Variants in MORC2 observed in about 807,000 individuals in gnomAD.
The protein encoded by MORC2 is MORC family CW-type zinc finger 2.
MORC2 carries 30 observed loss-of-function variants against 136.0 expected under a neutral mutation model. The observed-to-expected ratio is 0.22, with a 90% CI of 0.17 to 0.30. The LOEUF is 0.30. Ranked by LOEUF, MORC2 falls within the 10% of genes least tolerant of loss-of-function variation. The pLI, the probability that MORC2 is intolerant of heterozygous loss-of-function variation, is 1.00. For synonymous variants in MORC2, 439 were observed against 487.0 expected (o/e 0.90, Z 1.30); for missense variants, 922 against 1,333.1 (o/e 0.69, Z 4.80).
chr22:30,940,524 G>C (rs2040727378), intron 10 of MORC2, among the ~76,000 whole-genome samples: 1 of 152,174 alleles, frequency 6.6e-6, no homozygotes, highest in African/African-American at 2.4e-5. Context: ...CCAAAGAGCT[G>C]ACACTTTTAG....
intron 1 of MORC2, among the ~76,000 whole-genome samples, chr22:30,962,571 G>A (rs1336477224): frequency 6.7e-6 from 1 of 149,840 alleles, no homozygotes; most frequent in Non-Finnish European, 1.5e-5. Context: ...CACCAACCTG[G>A]CTGAAAGAGC....
chr22:30,928,676 G>C (rs1370495779), intron 24 of MORC2, among the ~76,000 whole-genome samples: 1 of 152,172 alleles, frequency 6.6e-6, no homozygotes, highest in Non-Finnish European at 1.5e-5. Flanking sequence ...CTGTGGAGTA[G>C]TATATACTTC....
chr22:30,949,732 C>T lies in MORC2; in HGVS notation c.317+20G>A. On this transcript the variant is annotated intron_variant, in intron 5 of 25. Transcript: ENST00000397641. ...GCTGGATTTTGTTTGAGCCCTGTGA[C>T]AAGCTTCTAATATACCTACGATTTT... The T allele has an allele frequency of 3.1e-6, 5 of 1,602,108 alleles. No homozygotes were observed. The highest frequency in any genetic ancestry group is 1.7e-4 in the Middle Eastern group (1 of 6,038).
At chr22:30,958,118 A>G (rs998899886) in intron 2 of MORC2, among the ~76,000 whole-genome samples, 1 of 152,226 alleles carries the variant, frequency 6.6e-6, no homozygotes. Context: ...TTCTATCACT[A>G]AGAACTCAGT....
rs2040583423 is a variant in MORC2, at chr22:30,932,081, A to C, written c.2841+278T>G. 2.8e-6 allele frequency: 1 copy of C among 357,812 alleles called. No homozygotes were observed. The highest frequency in any genetic ancestry group is 5.1e-6 in the Non-Finnish European group (1 of 194,800). The allele number at this position is 357,812 out of a possible 1,614,324, so 22.2% of individuals were successfully genotyped here. ...TGCTTGTCATAAAATGTCAAACTAC[A>C]CCTGCTATCCCTAAGGGATGACTCA... On this transcript the variant is annotated intron_variant, in intron 24 of 25. Transcript: ENST00000397641. This position sits in a 1 kb window ranked among gnomAD's most constrained non-coding sequence, Gnocchi z 4.4.
chr22:30,953,796 T>C (rs2040926131), intron 3 of MORC2, among the ~76,000 whole-genome samples: 1 of 152,168 alleles, frequency 6.6e-6, no homozygotes, highest in Admixed American at 6.6e-5. Context: ...AATAATAATA[T>C]GCTTTGGGTA....
chr22:30,968,042 G>T lies in MORC2; in HGVS notation c.-153C>A. ...AACCTAGTAGCTATCCAAAATATATGCAGAGATGTTTAAAACTACAATTTC... is the reference window on the plus strand; with the variant it reads ...AACCTAGTAGCTATCCAAAATATATTCAGAGATGTTTAAAACTACAATTTC... On this transcript the variant is annotated 5_prime_UTR_variant, in exon 1 of 26. Coordinates refer to ENST00000397641, the MANE Select transcript of MORC2 (RefSeq NM_001303256.3). 1.7e-6 allele frequency: 1 copy of T among 593,020 alleles called. No homozygotes were observed. Among genetic ancestry groups the T allele is most frequent in the Non-Finnish European group, 3.0e-6 (1 of 335,110 alleles). The allele number at this position is 593,020 out of a possible 1,614,324, so 36.7% of individuals were successfully genotyped here.
intron 12 of MORC2, 73 bp from the exon 13 acceptor site, chr22:30,938,278 G>C: frequency 6.5e-7 from 1 of 1,549,694 alleles, no homozygotes; most frequent in Non-Finnish European, 8.8e-7. Context: ...GATGTGTTAA[G>C]CTTAAGCTTA....
At position 30,934,269 on chromosome 22, in the gene MORC2, G is replaced by A. The variant is rs1015650239; in HGVS notation, c.2194-78C>T. 1.3e-6 allele frequency: 2 copies of A among 1,585,918 alleles called. No homozygotes were observed. Among genetic ancestry groups the A allele is most frequent in the African/African-American group, 1.3e-5 (1 of 74,274 alleles). On this transcript the variant is annotated intron_variant, in intron 19 of 25. Transcript: ENST00000397641. This position sits in a 1 kb window ranked among gnomAD's most constrained non-coding sequence, Gnocchi z 4.4. ...GCAGGAAGATTTCATCTAGCCTAAA[G>A]GAGTCGTTCCAAGAGGAGCTGTACT... is the stretch of plus-strand genomic sequence containing the variant.
At chr22:30,960,994 T>C in intron 1 of MORC2, among the ~76,000 whole-genome samples, 1 of 151,574 alleles carries the variant, frequency 6.6e-6, no homozygotes, top group East Asian at 1.9e-4. Context: ...GCCTCCCGAG[T>C]AGCTGGGATT....
chr22:30,968,162 A>G lies in MORC2; in HGVS notation c.-273T>C. On this transcript the variant is annotated 5_prime_UTR_variant, in exon 1 of 26. The change abolishes an upstream ATG in the 5' untranslated region. Transcript: ENST00000397641. Reference sequence around the variant, plus strand: ...TCTGTAGCTTTAAGGAGCTTTTAGCATTAAGTTGCGATAGCTCAATTCAGA... The same window carrying G: ...TCTGTAGCTTTAAGGAGCTTTTAGCGTTAAGTTGCGATAGCTCAATTCAGA... The G allele has an allele frequency of 5.1e-6, 2 of 392,144 alleles. No individual in the cohort carries two copies. Among genetic ancestry groups the G allele is most frequent in the Middle Eastern group, 7.5e-4 (1 of 1,342 alleles). The allele number at this position is 392,144 out of a possible 1,614,324, so 24.3% of individuals were successfully genotyped here.
At chr22:30,958,507 G>C in intron 2 of MORC2, 134 bp downstream of exon 2, 1 of 533,548 alleles carries the variant, frequency 1.9e-6, no homozygotes, top group Non-Finnish European at 3.2e-6. Context: ...TTTTTAGTAA[G>C]AGGCATCCTA....
Position 30,949,743 on chromosome 22 carries a change from T to C in MORC2, c.317+9A>G. 1 of 1,611,592 alleles carries C rather than the reference T, an allele frequency of 6.2e-7. No individual in the cohort carries two copies. The highest frequency in any genetic ancestry group is 8.5e-7 in the Non-Finnish European group (1 of 1,177,832). ...TTTGAGCCCTGTGACAAGCTTCTAA[T>C]ATACCTACGATTTTAACCCATTCCC... On this transcript the variant is annotated intron_variant, in intron 5 of 25. Coordinates refer to ENST00000397641, the MANE Select transcript of MORC2 (RefSeq NM_001303256.3).
rs138286528 is a variant in MORC2, at chr22:30,941,732, C to G, written c.698+159G>C. On this transcript the variant is annotated intron_variant, in intron 8 of 25. Coordinates refer to ENST00000397641, the MANE Select transcript of MORC2 (RefSeq NM_001303256.3). The surrounding 1 kb of genome is among the most constrained non-coding windows in gnomAD (Gnocchi z 4.6). ...CACCACATCCCGCCCCTCTCACGTC[C>G]TCAGCACAGGCACCCCACAGGCAAC... Among the ~76,000 whole-genome samples, 320 of 152,274 alleles carry G rather than the reference C, an allele frequency of 2.1e-3. 3 individuals carry two copies. The highest frequency in any genetic ancestry group is 7.5e-3 in the African/African-American group (310 of 41,576).
chr22:30,961,890 C>G (rs1321439754), intron 1 of MORC2, among the ~76,000 whole-genome samples: 3 of 152,084 alleles, frequency 2.0e-5, no homozygotes, highest in Non-Finnish European at 2.9e-5. Context: ...GCACAAAGCA[C>G]CTGCCACACA....
rs777612473 is a variant in MORC2, at chr22:30,937,816, G to T, written c.1368C>A (p.Ile456=). 9.9e-6 allele frequency: 16 copies of T among 1,614,084 alleles called. No homozygotes were observed. Among genetic ancestry groups the T allele is most frequent in the Non-Finnish European group, 1.4e-5 (16 of 1,180,010 alleles). ...HLAQYWKDIA[I]AQRGIIKFWD... Reference sequence around the variant, plus strand: ...GGCCCAGCAGCCCAGCCCCATTACCGATGGCAATATCCTTCCAATACTGCG... The same window carrying T: ...GGCCCAGCAGCCCAGCCCCATTACCTATGGCAATATCCTTCCAATACTGCG... Residue 456 remains isoleucine, a splice_region_variant and synonymous_variant, in exon 14 of 26, where the codon ATC becomes ATA. Transcript: ENST00000397641. The surrounding 1 kb of genome is among the most constrained non-coding windows in gnomAD (Gnocchi z 4.7).
At position 30,967,984 on chromosome 22, in the gene MORC2, AG is replaced by A. The variant is rs910631568; in HGVS notation, c.-96del. The A allele has an allele frequency of 9.8e-6, 11 of 1,120,910 alleles. No homozygotes were observed. The African/African-American group carries it at 1.7e-4, about 17-fold the overall frequency. The allele number at this position is 1,120,910 out of a possible 1,614,324, so 69.4% of individuals were successfully genotyped here. A position where few individuals can be genotyped will look rare whatever the true frequency, so the allele number is the denominator to read the frequency against. On this transcript the variant is annotated 5_prime_UTR_variant, in exon 1 of 26. It adds an upstream start codon to the 5' untranslated region. Transcript: ENST00000397641. ...CCAGGATTCTGTCCAGTAAAGCTTC[AG>A]TAAGTCTGTGCTCCTTAATGACAGT...
rs866317363 is a variant in MORC2 at position 30,967,446 on chromosome 22, T to A, written c.68+376A>T. ...AAACACTTGTTATAAACCTAACTGT[T>A]TAGGACGTTGTCACTACAGAGGGGA... On this transcript the variant is annotated intron_variant, in intron 1 of 25. Coordinates refer to ENST00000397641, the MANE Select transcript of MORC2 (RefSeq NM_001303256.3). 6.9e-6 allele frequency: 7 copies of A among 1,007,264 alleles called. No homozygotes were observed. In the Middle Eastern group the frequency reaches 1.5e-3, roughly 218 times the overall value. The allele number at this position is 1,007,264 out of a possible 1,614,324, so 62.4% of individuals were successfully genotyped here.
At chr22:30,933,258 A>C (rs1293251224) in intron 21 of MORC2, among the ~76,000 whole-genome samples, 1 of 152,144 alleles carries the variant, frequency 6.6e-6, no homozygotes, top group African/African-American at 2.4e-5. Context: ...CCAGGAGTGA[A>C]CACCAAGGAA....
Sources: gnomAD v4.1 joint callset for allele counts (sites outside exome capture counted in the v4.1 genomes callset) on GRCh38, gnomAD v4.1.1 for gene constraint, Gnocchi (gnomAD v3.1) non-coding constraint, MANE v1.5 for transcripts, NCBI Gene and HGNC (gene_info 2026-07-23, HGNC 2026-07-21) for gene names.